SPOCK3: variants seen among roughly 807,000 people sequenced by gnomAD.
The protein encoded by SPOCK3 is testican-3.
A neutral mutation model predicts 56.6 loss-of-function variants in SPOCK3; 30 were observed. That is an observed-to-expected ratio of 0.53 (90% confidence interval 0.40 to 0.72). The LOEUF (loss-of-function observed/expected upper bound fraction) is 0.72. Among genes scored for constraint, SPOCK3 ranks in the 30% least tolerant of loss-of-function variants. The probability of loss-of-function intolerance (pLI) is 0.00; values close to 1 mark genes in which losing one functional copy is unlikely to be tolerated. For missense variants in SPOCK3, 527 were observed against 530.0 expected (o/e 0.99, Z 0.06); for synonymous variants, 196 against 183.3 (o/e 1.07, Z -0.56).
chr4:166,920,279 A>G (rs1738343569), intron 4 of SPOCK3, among the ~76,000 whole-genome samples: 1 of 152,168 alleles, frequency 6.6e-6, no homozygotes, highest in African/African-American at 2.4e-5. Context: ...TTTAGTTAGA[A>G]TCTTCACCAC....
chr4:166,973,278 C>A (rs1352365741), intron 4 of SPOCK3, among the ~76,000 whole-genome samples: 1 of 152,142 alleles, frequency 6.6e-6, no homozygotes, highest in Non-Finnish European at 1.5e-5. Flanking sequence ...CCCAGCCATG[C>A]AAAGCTGTGA....
chr4:166,874,196 C>G (rs765752060), intron 6 of SPOCK3, among the ~76,000 whole-genome samples: 1 of 152,058 alleles, frequency 6.6e-6, no homozygotes, highest in Non-Finnish European at 1.5e-5. Flanking sequence ...GCTTGGCGTT[C>G]CTCAGCTAAT....
At chr4:166,875,576 C>A (rs1056401446) in intron 6 of SPOCK3, among the ~76,000 whole-genome samples, 2 of 152,054 alleles carry the variant, frequency 1.3e-5, no homozygotes, top group Non-Finnish European at 2.9e-5. Context: ...GTTTACCATA[C>A]CCACACCCTC....
chr4:167,090,213 G>T (rs1247369871), intron 2 of SPOCK3, among the ~76,000 whole-genome samples: 2 of 152,060 alleles, frequency 1.3e-5, no homozygotes, highest in Non-Finnish European at 2.9e-5. Flanking sequence ...TTCCCAAATT[G>T]GTTGTACCAT....
chr4:166,897,031 C>A (rs994299797), intron 5 of SPOCK3, among the ~76,000 whole-genome samples: 2 of 152,114 alleles, frequency 1.3e-5, no homozygotes, highest in Non-Finnish European at 2.9e-5. Context: ...TAAAATCTCA[C>A]TATGTGCCGT....
At chr4:167,080,248 T>C (rs976487322) in intron 2 of SPOCK3, among the ~76,000 whole-genome samples, 9 of 152,104 alleles carry the variant, frequency 5.9e-5, no homozygotes, top group African/African-American at 1.7e-4. Context: ...GTCTGACTTA[T>C]GTTCTGTTGC....
chr4:167,107,214 A>G (rs1760241811), intron 2 of SPOCK3, among the ~76,000 whole-genome samples: 1 of 151,884 alleles, frequency 6.6e-6, no homozygotes, highest in African/African-American at 2.4e-5. Context: ...GAAAACTACA[A>G]GCCAATATTC....
intron 5 of SPOCK3, among the ~76,000 whole-genome samples, chr4:166,894,211 C>A (rs1048992363): frequency 1.3e-4 from 20 of 151,920 alleles, no homozygotes; most frequent in African/African-American, 4.8e-4. Flanking sequence ...AACTTGACTT[C>A]GAAAAACTTC....
intron 6 of SPOCK3, among the ~76,000 whole-genome samples, chr4:166,809,554 A>G (rs1361110814): frequency 6.6e-6 from 1 of 152,110 alleles, no homozygotes; most frequent in Admixed American, 6.6e-5. Flanking sequence ...AGATGTTGAA[A>G]TAGAATAATA....
chr4:167,159,775 A>T (rs1180895018), intron 2 of SPOCK3, among the ~76,000 whole-genome samples: 1 of 152,158 alleles, frequency 6.6e-6, no homozygotes, highest in Non-Finnish European at 1.5e-5. Context: ...TATAAACAGA[A>T]CTAAAGACAA....
chr4:166,824,144 G>A (rs140883804), intron 6 of SPOCK3, among the ~76,000 whole-genome samples: 23 of 152,082 alleles, frequency 1.5e-4, no homozygotes, highest in African/African-American at 5.5e-4. Context: ...CCTCTCAACT[G>A]TCTCATGCTG....
intron 6 of SPOCK3, among the ~76,000 whole-genome samples, chr4:166,809,685 A>C: frequency 6.6e-6 from 1 of 152,194 alleles, no homozygotes; most frequent in African/African-American, 2.4e-5. Flanking sequence ...CTATGTTGAT[A>C]TAATAATCAA....
intron 6 of SPOCK3, among the ~76,000 whole-genome samples, chr4:166,802,759 G>T (rs916496757): frequency 1.3e-5 from 2 of 151,898 alleles, no homozygotes; most frequent in African/African-American, 4.8e-5. Flanking sequence ...TCTAAAGCAG[G>T]ATATATATGT....
chr4:167,188,986 C>T (rs1249012554), intron 2 of SPOCK3, among the ~76,000 whole-genome samples: 2 of 146,204 alleles, frequency 1.4e-5, no homozygotes, highest in African/African-American at 5.2e-5. Context: ...CCAGGCTTCA[C>T]TGTTGAAGTC....
intron 2 of SPOCK3, among the ~76,000 whole-genome samples, chr4:167,130,411 T>C (rs1280505735): frequency 6.6e-6 from 1 of 152,132 alleles, no homozygotes; most frequent in Non-Finnish European, 1.5e-5. Flanking sequence ...ATATGGAATA[T>C]AAGAATAAGA....
chr4:167,041,466 AT>A (rs1240859028), intron 3 of SPOCK3, among the ~76,000 whole-genome samples: 1 of 152,190 alleles, frequency 6.6e-6, no homozygotes, highest in African/African-American at 2.4e-5. Context: ...TCTCAACTGC[AT>A]TTATTAATAT....
chr4:166,809,537 A>T (rs931680842), intron 6 of SPOCK3, among the ~76,000 whole-genome samples: 4 of 152,070 alleles, frequency 2.6e-5, no homozygotes, highest in African/African-American at 9.7e-5. Flanking sequence ...TCTGACCCTA[A>T]ATGAAGAGAT....
At chr4:167,197,822 C>T (rs1314108000) in intron 2 of SPOCK3, among the ~76,000 whole-genome samples, 1 of 152,052 alleles carries the variant, frequency 6.6e-6, no homozygotes, top group Non-Finnish European at 1.5e-5. Flanking sequence ...TTGATCCTTA[C>T]AAAAAACATT....
intron 6 of SPOCK3, among the ~76,000 whole-genome samples, chr4:166,823,047 C>G (rs1745091649): frequency 6.6e-6 from 1 of 152,084 alleles, no homozygotes; most frequent in African/African-American, 2.4e-5. Flanking sequence ...GAATTCAACT[C>G]ATTCCTTCCC....
Sources: gnomAD v4.1 joint callset for allele counts (sites outside exome capture counted in the v4.1 genomes callset) on GRCh38, gnomAD v4.1.1 for gene constraint, MANE v1.5 for transcripts, NCBI Gene and HGNC (gene_info 2026-07-23, HGNC 2026-07-21) for gene names.